FMNL3: variants seen among roughly 807,000 people sequenced by gnomAD.
The protein encoded by FMNL3 is formin-like protein 3.
FMNL3 carries 57 observed loss-of-function variants against 119.6 expected under a neutral mutation model. That is an observed-to-expected ratio of 0.48 (90% CI 0.39 to 0.59). The LOEUF is 0.59. FMNL3 is among the 20% of genes least tolerant of loss of function. The pLI is 0.00. For synonymous variants in FMNL3, 491 were observed against 507.3 expected, an observed-to-expected ratio of 0.97 and a Z score of 0.43; for missense variants, 1,053 against 1,323.5, an observed-to-expected ratio of 0.80 and a Z score of 3.17.
Position 49,641,844 on chromosome 12 carries a change from TCTGCCTG to T in FMNL3, c.*3964_*3970del. 1 of 1,386,882 alleles carries T rather than the reference TCTGCCTG, an allele frequency of 7.2e-7. No individual in the cohort carries two copies. The highest frequency in any genetic ancestry group is 1.0e-6 in the Non-Finnish European group (1 of 979,986). The allele number at this position is 1,386,882 out of a possible 1,614,324, so 85.9% of individuals were successfully genotyped here. A position where few individuals can be genotyped will look rare whatever the true frequency, so the allele number is the denominator to read the frequency against. The stretch of plus-strand genomic sequence containing the variant: ...TCTTGACCATCTGTAATGTGACCAC[TCTGCCTG>T]CCAGCTTTGGCCTCAGGCACGTGGT... On this transcript the variant is annotated 3_prime_UTR_variant, in exon 26 of 26. Coordinates refer to ENST00000335154, the MANE Select transcript of FMNL3 (RefSeq NM_175736.5).
chr12:49,658,014 T>C (rs1410527654), intron 6 of FMNL3, among the ~76,000 whole-genome samples: 1 of 151,358 alleles, frequency 6.6e-6, no homozygotes, highest in Non-Finnish European at 1.5e-5. Context: ...CCAGGTTGGG[T>C]GGGAGCTGGT....
chr12:49,666,157 C>T lies in FMNL3; in HGVS notation c.261G>A (p.Gln87=), dbSNP rs1434757501. ...GAGTTACACTGGGGTCCAAGAAGCT[C>T]TGGAGTTTCTGAATGTAAGTGTGGG... is the stretch of plus-strand genomic sequence containing the variant. The part of the protein sequence containing the change: ...NPPHTYIQKL[Q]SFLDPSVTRK... Residue 87 remains glutamine (Q), a synonymous_variant, in exon 3 of 26, where the codon CAG becomes CAA. Transcript: ENST00000335154. The T allele has an allele frequency of 5.0e-6, 8 of 1,614,154 alleles. No homozygotes were observed. Among genetic ancestry groups the T allele is most frequent in the Non-Finnish European group, 6.8e-6 (8 of 1,179,998 alleles).
chr12:49,641,816 C>T lies in FMNL3; in HGVS notation c.*3999G>A. Reference sequence around the variant, plus strand: ...TGTGGATCTCTTCCAGAGGCAAGGGCCTTCTTGACCATCTGTAATGTGACC... The same window carrying T: ...TGTGGATCTCTTCCAGAGGCAAGGGTCTTCTTGACCATCTGTAATGTGACC... On this transcript the variant is annotated 3_prime_UTR_variant, in exon 26 of 26. Transcript: ENST00000335154. 1 of 1,026,736 alleles carries T rather than the reference C, an allele frequency of 9.7e-7. No individual in the cohort carries two copies. The highest frequency in any genetic ancestry group is 1.5e-6 in the Non-Finnish European group (1 of 665,122). 63.6% of individuals were successfully genotyped at this position (1,026,736 alleles called of 1,614,324 possible). A position where few individuals can be genotyped will look rare whatever the true frequency, so the allele number is the denominator to read the frequency against.
In FMNL3 at chr12:49,642,205, G is replaced by A; in HGVS notation, c.*3610C>T. The A allele has an allele frequency of 6.2e-7, 1 of 1,614,048 alleles. No individual in the cohort carries two copies. The highest frequency in any genetic ancestry group is 8.5e-7 in the Non-Finnish European group (1 of 1,179,990). ...GGACCTGGCATCCACCCTCCTGGGT[G>A]ACCCTGTTCCGTGTCCCTTCTTTCC... On this transcript the variant is annotated 3_prime_UTR_variant, in exon 26 of 26. Coordinates refer to ENST00000335154, the MANE Select transcript of FMNL3 (RefSeq NM_175736.5). This position sits in a 1 kb window ranked among gnomAD's most constrained non-coding sequence, Gnocchi z 5.8.
At chr12:49,646,817 A>C (rs1943212490) in intron 25 of FMNL3, 69 bp downstream of exon 25, 2 of 1,605,654 alleles carry the variant, frequency 1.2e-6, no homozygotes, top group Admixed American at 3.4e-5. Context: ...AGGAGAGCCC[A>C]AAGGGGTTAG....
At chr12:49,697,173 A>AC (rs1214472477) in intron 1 of FMNL3, among the ~76,000 whole-genome samples, 15 of 152,182 alleles carry the variant, frequency 9.9e-5, no homozygotes, top group Admixed American at 2.0e-4. Context: ...GTAACTGACC[A>AC]GGGGGTGAGT....
At chr12:49,675,876 C>T (rs1351265322) in intron 1 of FMNL3, among the ~76,000 whole-genome samples, 3 of 152,130 alleles carry the variant, frequency 2.0e-5, no homozygotes, top group Non-Finnish European at 4.4e-5. Context: ...AGGTAAGATT[C>T]TCTCCAGGCT....
In FMNL3 at chr12:49,707,268, A is replaced by G; in HGVS notation, c.-88T>C. On this transcript the variant is annotated 5_prime_UTR_variant, in exon 1 of 26. Transcript: ENST00000335154. ...GCGGCTCCGACCAGGCTCCTCCCTC[A>G]GCGCCGGCTCCCCGAGTCCCGACTC... 2.4e-6 allele frequency: 3 copies of G among 1,259,452 alleles called. No individual in the cohort carries two copies. The highest frequency in any genetic ancestry group is 2.8e-4 in the Middle Eastern group (1 of 3,602). The allele number at this position is 1,259,452 out of a possible 1,614,324, so 78.0% of individuals were successfully genotyped here.
chr12:49,657,767 G>A (rs557491762), intron 6 of FMNL3, among the ~76,000 whole-genome samples: 1 of 152,308 alleles, frequency 6.6e-6, no homozygotes, highest in East Asian at 1.9e-4. Flanking sequence ...GTGTCCAAGG[G>A]ACACAACCCA....
chr12:49,663,744 A>G (rs1362722322), intron 4 of FMNL3, among the ~76,000 whole-genome samples: 1 of 152,234 alleles, frequency 6.6e-6, no homozygotes, highest in Admixed American at 6.5e-5. Flanking sequence ...CACCAGGTAG[A>G]GGGGGCAGGC....
chr12:49,665,737 G>A lies in FMNL3; in HGVS notation c.368+95C>T, dbSNP rs902592886. 6.9e-5 allele frequency: 91 copies of A among 1,310,766 alleles called. 1 individual carries two copies. The Admixed American group carries it at 1.5e-3, about 21-fold the overall frequency. 81.2% of individuals were successfully genotyped at this position (1,310,766 alleles called of 1,614,324 possible). On this transcript the variant is annotated intron_variant, in intron 4 of 25. Transcript: ENST00000335154. ...AACTCTGCCCCATGGCAGGGAAGAT[G>A]AACAGGAACACCATCCTCAGAGGAC...
intron 1 of FMNL3, among the ~76,000 whole-genome samples, chr12:49,701,749 C>A (rs1944915462): frequency 6.6e-6 from 1 of 152,060 alleles, no homozygotes; most frequent in African/African-American, 2.4e-5. Context: ...CATGGTGAAA[C>A]CCCGTCTCTA....
intron 1 of FMNL3, among the ~76,000 whole-genome samples, chr12:49,705,178 G>T (rs553094352): frequency 6.6e-6 from 1 of 152,264 alleles, no homozygotes; most frequent in East Asian, 1.9e-4. Flanking sequence ...CCCTTCATCA[G>T]CAGCAGCTCA....
rs748510261 is a variant in FMNL3 at position 49,644,171 on chromosome 12, G to C, written c.*1644C>G. The stretch of plus-strand genomic sequence containing the variant: ...AGAGGCGGCGGCGGACACTCCTACA[G>C]CAGCTGGATGATCACCAGTGACCCA... On this transcript the variant is annotated 3_prime_UTR_variant, in exon 26 of 26. Transcript: ENST00000335154. 59 of 1,614,006 alleles carry C rather than the reference G, an allele frequency of 3.7e-5. No homozygotes were observed. The Middle Eastern group carries it at 2.6e-3, about 72-fold the overall frequency.
In FMNL3 at chr12:49,668,523, C is replaced by T. The variant is rs201743403; in HGVS notation, c.158G>A (p.Arg53Gln). The T allele has an allele frequency of 3.1e-6, 5 of 1,614,022 alleles. No individual in the cohort carries two copies. The highest frequency in any genetic ancestry group is 4.2e-6 in the Non-Finnish European group (5 of 1,180,042). The change falls in exon 2 of 26, where the codon CGG becomes CAG. Residue 53 changes from arginine to glutamine, a missense_variant. By Grantham distance (43) the Arg-to-Gln change is conservative (BLOSUM62 1). Transcript: ENST00000335154. The part of the protein sequence containing the change: ...SSMNLPPDKA[R>Q]LLRQYDNEKK... ...CTCATTGTCATACTGCCGCAGGAGC[C>T]GGGCCTTGTCTGGAGGCAGGTTCAT...
chr12:49,671,706 A>T (rs1944051349), intron 1 of FMNL3, among the ~76,000 whole-genome samples: 1 of 152,218 alleles, frequency 6.6e-6, no homozygotes, highest in South Asian at 2.1e-4. Context: ...ACAGCAAAGT[A>T]GCAAATTTGA....
At chr12:49,658,056 C>A (rs913355547) in intron 6 of FMNL3, among the ~76,000 whole-genome samples, 1 of 152,018 alleles carries the variant, frequency 6.6e-6, no homozygotes, top group Non-Finnish European at 1.5e-5. Context: ...GAGTGAAGAA[C>A]TAGAGGGAAA....
rs1943259490 is a variant in FMNL3 at position 49,647,887 on chromosome 12, A to T, written c.2677-83T>A. ...CACCACGGATGAGAGGCCTGCAGAA[A>T]GCAGAGCCCAGGGCCAAAGGGAGGA... On this transcript the variant is annotated intron_variant, in intron 22 of 25. Transcript: ENST00000335154. This position sits in a 1 kb window ranked among gnomAD's most constrained non-coding sequence, Gnocchi z 4.9. 1 of 1,147,800 alleles carries T rather than the reference A, an allele frequency of 8.7e-7. No homozygotes were observed. The highest frequency in any genetic ancestry group is 2.0e-5 in the Admixed American group (1 of 51,192). 71.1% of individuals were successfully genotyped at this position (1,147,800 alleles called of 1,614,324 possible).
At chr12:49,692,010 G>C (rs541505755) in intron 1 of FMNL3, among the ~76,000 whole-genome samples, 1 of 142,006 alleles carries the variant, frequency 7.0e-6, no homozygotes, top group East Asian at 2.0e-4. Flanking sequence ...ACTCCAGCCT[G>C]GCTGACGTAG....
Sources: gnomAD v4.1 joint callset for allele counts (sites outside exome capture counted in the v4.1 genomes callset) on GRCh38, gnomAD v4.1.1 for gene constraint, Gnocchi (gnomAD v3.1) non-coding constraint, MANE v1.5 for transcripts, NCBI Gene and HGNC (gene_info 2026-07-23, HGNC 2026-07-21) for gene names.